SLC28A1: variants seen among roughly 807,000 people sequenced by gnomAD.
SLC28A1 encodes the protein solute carrier family 28 member 1, also known as sodium/nucleoside cotransporter 1.
In SLC28A1, 64 loss-of-function variants were observed where a neutral mutation model predicts 74.8. That is an observed-to-expected ratio of 0.86 (90% CI 0.70 to 1.05). The LOEUF (loss-of-function observed/expected upper bound fraction) is 1.05, where lower values mean the gene tolerates loss of function less well. SLC28A1 is among the 50% of genes least tolerant of loss of function. The pLI is 0.00. For synonymous variants in SLC28A1, 359 were observed against 335.0 expected (o/e 1.07, Z -0.78); for missense variants, 828 against 822.8 (o/e 1.01, Z -0.08).
At chr15:84,892,089 C>T (rs1477223298) in intron 5 of SLC28A1, among the ~76,000 whole-genome samples, 2 of 152,016 alleles carry the variant, frequency 1.3e-5, no homozygotes, top group East Asian at 3.9e-4. Flanking sequence ...GTAATCCCAG[C>T]ACTTTGGGAG....
intron 8 of SLC28A1, 125 bp from the exon 9 acceptor site, chr15:84,908,593 C>G (rs556583917): frequency 1.3e-5 from 10 of 772,558 alleles, no homozygotes; most frequent in Middle Eastern, 2.3e-4. Flanking sequence ...TGGTGCCCCC[C>G]CCCGGATAAG....
chr15:84,910,494 T>G (rs1010662886), intron 9 of SLC28A1, among the ~76,000 whole-genome samples: 1 of 152,162 alleles, frequency 6.6e-6, no homozygotes, highest in Non-Finnish European at 1.5e-5. Flanking sequence ...TTTGGGAGGC[T>G]GAGGCAGGCG....
intron 8 of SLC28A1, 36 bp from the exon 9 acceptor site, chr15:84,908,682 C>G: frequency 6.3e-7 from 1 of 1,576,734 alleles, no homozygotes; most frequent in Non-Finnish European, 8.7e-7. Flanking sequence ...CCCAGCCTCA[C>G]TGCCTGTTTT....
At chr15:84,918,473 C>G in intron 9 of SLC28A1, 51 bp from the exon 10 acceptor site, 1 of 1,480,746 alleles carries the variant, frequency 6.8e-7, no homozygotes, top group Non-Finnish European at 9.4e-7. Flanking sequence ...GCCTGGCACC[C>G]TGCATCCTGC....
chr15:84,955,561 C>T, the SLC28A1 span, among the ~76,000 whole-genome samples: 2 of 152,162 alleles, frequency 1.3e-5, no homozygotes, highest in Admixed American at 6.5e-5. Context: ...CAGTTCCTCA[C>T]GGAGCAGTGG....
chr15:84,944,570 C>A lies in SLC28A1; in HGVS notation c.1668C>A (p.Ser556=), dbSNP rs1189531242. ...SIGIMLGGLT[S]MVPQRKSDFS... The stretch of plus-strand genomic sequence containing the variant: ...AGCACTTCTGTCCCCTTGCAGCCTC[C>A]ATGGTCCCCCAACGGAAGAGCGACT... Residue 556 remains serine, a synonymous_variant, in exon 17 of 19, where the codon TCC becomes TCA. Coordinates refer to ENST00000394573, the MANE Select transcript of SLC28A1 (RefSeq NM_004213.5). 1 of 1,612,588 alleles carries A rather than the reference C, an allele frequency of 6.2e-7. No homozygotes were observed. Among genetic ancestry groups the A allele is most frequent in the South Asian group, 1.1e-5 (1 of 91,058 alleles).
chr15:84,921,641 C>T (rs1021005250), intron 11 of SLC28A1, among the ~76,000 whole-genome samples: 3 of 152,170 alleles, frequency 2.0e-5, no homozygotes, highest in African/African-American at 7.2e-5. Context: ...GTTTGAGTCA[C>T]CAAGAGACAC....
intron 6 of SLC28A1, chr15:84,895,722 A>T: frequency 7.5e-7 from 1 of 1,327,910 alleles, no homozygotes; most frequent in Non-Finnish European, 9.6e-7. Flanking sequence ...TGTGTTTTAT[A>T]AGCCAAGGTT....
At chr15:84,902,660 G>A (rs966321964) in intron 6 of SLC28A1, among the ~76,000 whole-genome samples, 2 of 151,728 alleles carry the variant, frequency 1.3e-5, no homozygotes, top group African/African-American at 4.8e-5. Flanking sequence ...TCCAATATGT[G>A]CAATTGATTA....
chr15:84,958,185 G>T, the SLC28A1 span, among the ~76,000 whole-genome samples: 1 of 151,892 alleles, frequency 6.6e-6, no homozygotes, highest in Non-Finnish European at 1.5e-5. Flanking sequence ...ATATAAATCC[G>T]CAAGCTCTGA....
chr15:84,943,533 C>A lies in SLC28A1; in HGVS notation c.1663+7C>A, dbSNP rs772395443. The A allele has an allele frequency of 1.9e-6, 3 of 1,608,098 alleles. No individual in the cohort carries two copies. Among genetic ancestry groups the A allele is most frequent in the Non-Finnish European group, 2.6e-6 (3 of 1,174,494 alleles). ...ATCATGCTGGGAGGCTTGAGTGAGT[C>A]TAATCAGGGCCTCACCAGTGTCTAG... On this transcript the variant is annotated splice_region_variant and intron_variant, in intron 16 of 18. Transcript: ENST00000394573.
the SLC28A1 span, chr15:84,961,662 G>C: frequency 1.4e-5 from 5 of 350,654 alleles, no homozygotes; most frequent in African/African-American, 8.8e-5. Context: ...CTTGATGGTC[G>C]TAAGACACTA....
intron 15 of SLC28A1, among the ~76,000 whole-genome samples, chr15:84,941,504 C>G (rs550266540): frequency 6.6e-6 from 1 of 151,786 alleles, no homozygotes; most frequent in Non-Finnish European, 1.5e-5. Context: ...TGCACCCGGC[C>G]GGGATTTGTT....
At chr15:84,921,875 T>C (rs1969870865) in intron 11 of SLC28A1, among the ~76,000 whole-genome samples, 7 of 152,222 alleles carry the variant, frequency 4.6e-5, no homozygotes, top group Admixed American at 4.6e-4. Flanking sequence ...AGGAAAACAC[T>C]ATTAAAATGC....
chr15:84,927,140 C>CT (rs1970612598), intron 12 of SLC28A1, among the ~76,000 whole-genome samples: 3 of 98,760 alleles, frequency 3.0e-5, no homozygotes, highest in African/African-American at 1.4e-4. Context: ...TTGCTGAGGC[C>CT]TAGAAAAGGG....
At chr15:84,902,353 C>T (rs1966767091) in intron 6 of SLC28A1, among the ~76,000 whole-genome samples, 1 of 151,888 alleles carries the variant, frequency 6.6e-6, no homozygotes. Context: ...GGGGGTGCAT[C>T]CCTGTAGTCC....
In SLC28A1 at chr15:84,918,290, G is replaced by A. The variant is rs139028212; in HGVS notation, c.796-234G>A. Reference sequence around the variant, plus strand: ...TGCTGAGGAGAGGGGGTGGTCTGGCGGCTGGTCACTATTTAGAGGGGAGCC... The same window carrying A: ...TGCTGAGGAGAGGGGGTGGTCTGGCAGCTGGTCACTATTTAGAGGGGAGCC... On this transcript the variant is annotated intron_variant, in intron 9 of 18. Transcript: ENST00000394573. 9.7e-4 allele frequency among the ~76,000 whole-genome samples: 148 copies of A among 152,202 alleles called. 1 individual carries two copies. Among genetic ancestry groups the A allele is most frequent in the East Asian group, 7.2e-3 (37 of 5,168 alleles).
intron 5 of SLC28A1, among the ~76,000 whole-genome samples, chr15:84,891,615 G>GA (rs902369161): frequency 4.6e-5 from 7 of 152,186 alleles, no homozygotes; most frequent in Admixed American, 4.6e-4. Flanking sequence ...TTCAAGGAGG[G>GA]AAAGATCAGC....
At chr15:84,957,470 T>C in the SLC28A1 span, among the ~76,000 whole-genome samples, 3 of 152,322 alleles carry the variant, frequency 2.0e-5, no homozygotes, top group South Asian at 4.1e-4. Flanking sequence ...TTTTGCCACA[T>C]TGGCCAGGCT....
Sources: gnomAD v4.1 joint callset for allele counts (sites outside exome capture counted in the v4.1 genomes callset) on GRCh38, gnomAD v4.1.1 for gene constraint, MANE v1.5 for transcripts, NCBI Gene and HGNC (gene_info 2026-07-23, HGNC 2026-07-21) for gene names.